STYK1: variants seen among roughly 807,000 people sequenced by gnomAD.
STYK1 encodes the protein STY kinase 1, also known as tyrosine-protein kinase STYK1.
STYK1 carries 46 observed loss-of-function variants against 48.1 expected under a neutral mutation model. The observed-to-expected ratio is 0.96, with a 90% CI of 0.75 to 1.22. The LOEUF (loss-of-function observed/expected upper bound fraction) is 1.22, where lower values mean the gene tolerates loss of function less well. Ranked by LOEUF, STYK1 falls within the 50% of genes most tolerant of loss-of-function variation. The probability of loss-of-function intolerance (pLI) is 0.00; values close to 1 mark genes in which losing one functional copy is unlikely to be tolerated. For synonymous variants in STYK1, 188 were observed against 189.0 expected (o/e 0.99, Z 0.04); for missense variants, 527 against 521.1 (o/e 1.01, Z -0.11).
intron 1 of STYK1, among the ~76,000 whole-genome samples, chr12:10,656,444 G>T (rs549092199): frequency 6.6e-6 from 1 of 152,030 alleles, no homozygotes; most frequent in Admixed American, 6.6e-5. Flanking sequence ...GGCTAATATG[G>T]TGAAACCCTG....
At chr12:10,654,740 G>T (rs371787397) in intron 1 of STYK1, among the ~76,000 whole-genome samples, 1 of 152,150 alleles carries the variant, frequency 6.6e-6, no homozygotes, top group South Asian at 2.1e-4. Context: ...GGGATTAGAG[G>T]CCCCTCTCAG....
At chr12:10,661,665 G>A (rs76133423) in intron 1 of STYK1, among the ~76,000 whole-genome samples, 3,953 of 152,296 alleles carry the variant, frequency 0.026, 81 homozygotes, top group Non-Finnish European at 0.038. Context: ...TCTACCAGAT[G>A]ACGAAACTGG....
chr12:10,670,323 T>A (rs71451794), intron 1 of STYK1, among the ~76,000 whole-genome samples: 4,000 of 152,248 alleles, frequency 0.026, 79 homozygotes, highest in Admixed American at 0.058. Context: ...AGAGATGGAA[T>A]CAATGTAAAT....
chr12:10,642,437 T>C (rs1015160616), intron 1 of STYK1, among the ~76,000 whole-genome samples: 3 of 152,238 alleles, frequency 2.0e-5, no homozygotes, highest in Non-Finnish European at 4.4e-5. Context: ...GCATAATTTC[T>C]GTAAAATGCC....
intron 1 of STYK1, among the ~76,000 whole-genome samples, chr12:10,650,850 C>T (rs1001516253): frequency 4.0e-5 from 6 of 151,730 alleles, no homozygotes; most frequent in Non-Finnish European, 5.9e-5. Context: ...AAAAAAAATA[C>T]AAGAATTAGC....
intron 7 of STYK1, among the ~76,000 whole-genome samples, chr12:10,626,946 C>G (rs888078375): frequency 6.6e-6 from 1 of 152,058 alleles, no homozygotes; most frequent in Non-Finnish European, 1.5e-5. Flanking sequence ...GGCGGAGCTT[C>G]CAGTGAGCCG....
chr12:10,626,780 G>A (rs993725269), intron 7 of STYK1, among the ~76,000 whole-genome samples: 7 of 152,132 alleles, frequency 4.6e-5, no homozygotes, highest in South Asian at 2.1e-4. Flanking sequence ...GCCGAGGCGC[G>A]CGGATCACGA....
intron 6 of STYK1, among the ~76,000 whole-genome samples, chr12:10,628,819 T>C (rs1947388298): frequency 6.6e-6 from 1 of 152,220 alleles, no homozygotes; most frequent in Admixed American, 6.5e-5. Context: ...AATTTCTCCC[T>C]GAGTTTGCCC....
In STYK1 at chr12:10,620,344, T is replaced by C. The variant is rs1241134878; in HGVS notation, c.1069A>G (p.Ser357Gly). 6 of 1,612,626 alleles carry C rather than the reference T, an allele frequency of 3.7e-6. No individual in the cohort carries two copies. Among genetic ancestry groups the C allele is most frequent in the Non-Finnish European group, 5.1e-6 (6 of 1,179,976 alleles). ...RPSSCTHTMY[S>G]IMKSCWRWRE... ...CAGCGCCAGCAGGACTTCATGATAC[T>C]GTACCTGAGAGGGAAACAAGAGAAA... Residue 357 changes from serine (S) to glycine (G), a missense_variant, in exon 11 of 11, where the codon AGT (serine) becomes GGT (glycine). Physicochemically the swap from Ser to Gly is moderately conservative, Grantham distance 56 (BLOSUM62 0). Coordinates refer to ENST00000075503, the MANE Select transcript of STYK1 (RefSeq NM_018423.3).
At chr12:10,663,273 C>G (rs2418095) in intron 1 of STYK1, among the ~76,000 whole-genome samples, 82,904 of 151,900 alleles carry the variant, frequency 0.55, 23,302 homozygotes, top group East Asian at 0.78. Flanking sequence ...GCCACAGCAC[C>G]CAGCCCACAC....
chr12:10,671,886 A>C (rs998710914), intron 1 of STYK1, among the ~76,000 whole-genome samples: 2 of 152,158 alleles, frequency 1.3e-5, no homozygotes, highest in African/African-American at 2.4e-5. Flanking sequence ...TGCATAATTA[A>C]AGACATTAGT....
intron 1 of STYK1, among the ~76,000 whole-genome samples, chr12:10,651,656 C>T (rs988425868): frequency 1.4e-4 from 21 of 152,104 alleles, no homozygotes; most frequent in African/African-American, 5.1e-4. Context: ...CATTGTTGAA[C>T]GACCTCACCT....
chr12:10,633,844 C>G (rs1018876555), intron 4 of STYK1, 146 bp downstream of exon 4: 2 of 932,918 alleles, frequency 2.1e-6, no homozygotes, highest in Non-Finnish European at 3.2e-6. Flanking sequence ...GATCATCCCC[C>G]TCTCAACTCC....
intron 1 of STYK1, among the ~76,000 whole-genome samples, chr12:10,652,906 T>G (rs1947677187): frequency 6.6e-6 from 1 of 152,196 alleles, no homozygotes; most frequent in Non-Finnish European, 1.5e-5. Context: ...AAATTCATCT[T>G]GTTTTCCTCA....
chr12:10,623,300 A>T (rs1389607140), intron 8 of STYK1, among the ~76,000 whole-genome samples: 1 of 152,228 alleles, frequency 6.6e-6, no homozygotes, highest in African/African-American at 2.4e-5. Flanking sequence ...ATTGAAAAGC[A>T]GATGTCAGTG....
chr12:10,635,668 C>G (rs1947478426), intron 2 of STYK1, among the ~76,000 whole-genome samples: 1 of 152,166 alleles, frequency 6.6e-6, no homozygotes, highest in African/African-American at 2.4e-5. Context: ...CTCCATTTAT[C>G]CAGTTCTTAA....
intron 1 of STYK1, among the ~76,000 whole-genome samples, chr12:10,641,143 A>T (rs1216203046): frequency 6.6e-6 from 1 of 152,112 alleles, no homozygotes; most frequent in Non-Finnish European, 1.5e-5. Flanking sequence ...CAGTTTCCCC[A>T]GCTCAGAATA....
intron 1 of STYK1, among the ~76,000 whole-genome samples, chr12:10,666,390 A>G (rs1947833793): frequency 6.6e-6 from 1 of 152,236 alleles, no homozygotes; most frequent in Non-Finnish European, 1.5e-5. Flanking sequence ...TAATATGAAT[A>G]TAACATAATA....
chr12:10,647,044 C>G (rs1301391845), intron 1 of STYK1, among the ~76,000 whole-genome samples: 3 of 152,232 alleles, frequency 2.0e-5, no homozygotes, highest in Non-Finnish European at 4.4e-5. Flanking sequence ...CATGGAGAAC[C>G]TTTGCTAGGG....
Sources: gnomAD v4.1 joint callset for allele counts (sites outside exome capture counted in the v4.1 genomes callset) on GRCh38, gnomAD v4.1.1 for gene constraint, MANE v1.5 for transcripts, NCBI Gene and HGNC (gene_info 2026-07-23, HGNC 2026-07-21) for gene names.